Variants in PIK3R6 observed in about 807,000 individuals in gnomAD.
PIK3R6 encodes phosphoinositide 3-kinase regulatory subunit 6.
Under a neutral mutation model 84.9 loss-of-function variants are expected in PIK3R6, and 91 were observed. The ratio of observed to expected loss-of-function variants is 1.07; its 90% CI spans 0.90 to 1.28. The LOEUF (loss-of-function observed/expected upper bound fraction) is 1.28, where lower values mean the gene tolerates loss of function less well. Among genes scored for constraint, PIK3R6 ranks in the 50% most tolerant of loss-of-function variants. PIK3R6 has a pLI of 0.00. For synonymous variants in PIK3R6, 416 were observed against 411.4 expected, an observed-to-expected ratio of 1.01 and a Z score of -0.13; for missense variants, 996 against 985.1, an observed-to-expected ratio of 1.01 and a Z score of -0.15.
At chr17:8,855,257 TA>T (rs2089103994) in intron 1 of PIK3R6, among the ~76,000 whole-genome samples, 1 of 146,976 alleles carries the variant, frequency 6.8e-6, no homozygotes, top group Non-Finnish European at 1.5e-5. Flanking sequence ...AATAATAAAA[TA>T]AAATGAAGAA....
At chr17:8,854,904 A>G (rs565347118) in intron 1 of PIK3R6, among the ~76,000 whole-genome samples, 12 of 152,208 alleles carry the variant, frequency 7.9e-5, no homozygotes, top group Non-Finnish European at 1.6e-4. Flanking sequence ...TAACAAAATG[A>G]AAAAACGGGC....
intron 18 of PIK3R6, among the ~76,000 whole-genome samples, chr17:8,808,541 C>T (rs1024028447): frequency 4.1e-4 from 62 of 152,186 alleles, no homozygotes; most frequent in African/African-American, 1.4e-3. Context: ...GACAATCTGG[C>T]TCTAGAGAGC....
At chr17:8,819,744 A>G (rs1044143092) in intron 17 of PIK3R6, among the ~76,000 whole-genome samples, 1 of 147,972 alleles carries the variant, frequency 6.8e-6, no homozygotes, top group Non-Finnish European at 1.5e-5. Context: ...ATATAAGTAT[A>G]TATACATACA....
intron 18 of PIK3R6, among the ~76,000 whole-genome samples, chr17:8,813,865 C>T (rs1195833249): frequency 2.6e-5 from 4 of 152,060 alleles, no homozygotes; most frequent in Admixed American, 2.0e-4. Context: ...GGATGCCCAC[C>T]GTCACTACTC....
intron 10 of PIK3R6, 47 bp downstream of exon 10, chr17:8,829,655 CACAG>C: frequency 6.6e-7 from 1 of 1,509,036 alleles, no homozygotes. Flanking sequence ...CGCATACACA[CACAG>C]ACACAGACAT....
At chr17:8,863,825 C>T (rs187996417) in intron 1 of PIK3R6, among the ~76,000 whole-genome samples, 3 of 152,316 alleles carry the variant, frequency 2.0e-5, no homozygotes, top group Non-Finnish European at 2.9e-5. Context: ...TGAGCCACCG[C>T]GCCCGGCCAG....
In PIK3R6 at chr17:8,844,322, C is replaced by G. The variant is rs1393386916; in HGVS notation, c.14-4625G>C. ...GACTTTATAAACCCTGAGCTTCTCA[C>G]AAACTCCCACGTAGGGGGAAGCACT... On this transcript the variant is annotated intron_variant, in intron 2 of 19. Coordinates refer to ENST00000619866, the MANE Select transcript of PIK3R6 (RefSeq NM_001010855.4). This position sits in a 1 kb window ranked among gnomAD's most constrained non-coding sequence, Gnocchi z 4.5. Among the ~76,000 whole-genome samples the G allele has an allele frequency of 6.6e-6, 1 of 152,232 alleles. No individual in the cohort carries two copies. The highest frequency in any genetic ancestry group is 1.5e-5 in the Non-Finnish European group (1 of 68,040).
At chr17:8,860,123 T>C (rs1235154912) in intron 1 of PIK3R6, among the ~76,000 whole-genome samples, 2 of 152,188 alleles carry the variant, frequency 1.3e-5, no homozygotes, top group Non-Finnish European at 2.9e-5. Flanking sequence ...CACAGATAGC[T>C]ATGCAGTGAA....
rs79143466 is a variant in PIK3R6 at position 8,834,179 on chromosome 17, G to T, written c.645+1094C>A. On this transcript the variant is annotated intron_variant, in intron 8 of 19. Transcript: ENST00000619866. ...CTCAAAAAAAAAAAAAAAAAAAAAAGAGTGAGTCGTGCAGGTATCTAAGAG... is the reference window on the plus strand; with the variant it reads ...CTCAAAAAAAAAAAAAAAAAAAAAATAGTGAGTCGTGCAGGTATCTAAGAG... Among the ~76,000 whole-genome samples, 6 of 133,826 alleles carry T rather than the reference G, an allele frequency of 4.5e-5. No individual in the cohort carries two copies. In the South Asian group the frequency reaches 1.6e-3, roughly 36 times the overall value. 87.8% of individuals were successfully genotyped at this position (133,826 alleles called of 152,430 possible).
intron 8 of PIK3R6, among the ~76,000 whole-genome samples, chr17:8,833,372 C>T (rs1265237988): frequency 1.3e-5 from 2 of 152,184 alleles, no homozygotes; most frequent in African/African-American, 2.4e-5. Context: ...TTCTAGCCCC[C>T]ACTAGATTGT....
At chr17:8,850,681 A>G (rs2088933298) in intron 1 of PIK3R6, among the ~76,000 whole-genome samples, 1 of 152,212 alleles carries the variant, frequency 6.6e-6, no homozygotes, top group Admixed American at 6.5e-5. Context: ...AAATAAACCT[A>G]AGAGATTGTT....
chr17:8,823,421 G>C lies in PIK3R6; in HGVS notation c.1592C>G (p.Thr531Ser). The stretch of plus-strand genomic sequence containing the variant: ...GTAGATCTGGAAATAGATGGGTTGG[G>C]TGCCCATGCGGATGTAGTAGGTGAT... ...DVITYYIRMGTQPIYFQIYTV... is the reference protein window; with the variant it reads ...DVITYYIRMGSQPIYFQIYTV... The change falls in exon 14 of 20, where the codon ACC (threonine) becomes AGC (serine). Residue 531 changes from threonine (T) to serine (S), a missense_variant. Transcript: ENST00000619866. 1.3e-6 allele frequency: 2 copies of C among 1,544,266 alleles called. No individual in the cohort carries two copies. The highest frequency in any genetic ancestry group is 1.7e-6 in the Non-Finnish European group (2 of 1,145,436).
At chr17:8,855,889 T>C (rs770345216) in intron 1 of PIK3R6, among the ~76,000 whole-genome samples, 1 of 152,238 alleles carries the variant, frequency 6.6e-6, no homozygotes, top group East Asian at 1.9e-4. Flanking sequence ...TGGATATATA[T>C]AGCAGCTCTA....
chr17:8,832,764 C>G, intron 9 of PIK3R6, 125 bp downstream of exon 9: 1 of 1,434,024 alleles, frequency 7.0e-7, no homozygotes, highest in Non-Finnish European at 9.5e-7. Flanking sequence ...AGTCCCCAGG[C>G]TCCTGGGAGT....
Position 8,828,613 on chromosome 17 carries a change from C to T in PIK3R6, c.1267G>A (p.Asp423Asn). Residue 423 changes from aspartate (D) to asparagine (N), a missense_variant, in exon 11 of 20, where the codon GAT (aspartate) becomes AAT (asparagine). Coordinates refer to ENST00000619866, the MANE Select transcript of PIK3R6 (RefSeq NM_001010855.4). ...GCCAGGCGCCCCAGCATCCTGTCAT[C>T]TCCGAGCACAAGTACCCGGGCTGTG... ...LHTARVLVLG[D>N]DRMLGRLAQA... 6.2e-7 allele frequency: 1 copy of T among 1,613,432 alleles called. No homozygotes were observed. Among genetic ancestry groups the T allele is most frequent in the Non-Finnish European group, 8.5e-7 (1 of 1,179,700 alleles).
rs759351044 is a variant in PIK3R6 at position 8,836,611 on chromosome 17, G to A, written c.397C>T (p.Leu133=). The A allele has an allele frequency of 6.2e-7, 1 of 1,613,998 alleles. No homozygotes were observed. The highest frequency in any genetic ancestry group is 8.5e-7 in the Non-Finnish European group (1 of 1,179,904). The change falls in exon 7 of 20, where the codon CTG becomes TTG. Residue 133 remains leucine (L), a synonymous_variant. Transcript: ENST00000619866. ...LKTEMAVPGT[L]YQRMVIAEQN... The stretch of plus-strand genomic sequence containing the variant: ...TCGGCAATGACCATCCTTTGGTACA[G>A]TGTCCCTGCAAACCAGACCACTTTG...
At chr17:8,808,544 T>C (rs971176022) in intron 18 of PIK3R6, among the ~76,000 whole-genome samples, 1 of 152,210 alleles carries the variant, frequency 6.6e-6, no homozygotes, top group Non-Finnish European at 1.5e-5. Context: ...AATCTGGCTC[T>C]AGAGAGCTCT....
intron 14 of PIK3R6, 94 bp downstream of exon 14, chr17:8,823,293 T>C (rs779120589): frequency 1.7e-5 from 17 of 983,816 alleles, no homozygotes; most frequent in Admixed American, 4.1e-5. Flanking sequence ...GGTGTGTTCA[T>C]GATTGGTGGC....
chr17:8,803,737 G>T lies in PIK3R6; in HGVS notation c.2108+304C>A. On this transcript the variant is annotated intron_variant, in intron 19 of 19. Coordinates refer to ENST00000619866, the MANE Select transcript of PIK3R6 (RefSeq NM_001010855.4). This position sits in a 1 kb window ranked among gnomAD's most constrained non-coding sequence, Gnocchi z 5.0. ...CAGATGCCACAGGTCAGCCTGTGTG[G>T]GAGGGGCCCGTGCCTGCAGAGGGGA... The T allele has an allele frequency of 1.8e-6, 1 of 554,520 alleles. No individual in the cohort carries two copies. The allele number at this position is 554,520 out of a possible 1,614,324, so 34.3% of individuals were successfully genotyped here. A position where few individuals can be genotyped will look rare whatever the true frequency, so the allele number is the denominator to read the frequency against.
Sources: gnomAD v4.1 joint callset for allele counts (sites outside exome capture counted in the v4.1 genomes callset) on GRCh38, gnomAD v4.1.1 for gene constraint, Gnocchi (gnomAD v3.1) non-coding constraint, MANE v1.5 for transcripts, NCBI Gene and HGNC (gene_info 2026-07-23, HGNC 2026-07-21) for gene names.